DYNC1I1: variants seen among roughly 807,000 people sequenced by gnomAD.
DYNC1I1 encodes the protein dynein cytoplasmic 1 intermediate chain 1.
Under a neutral mutation model 86.6 loss-of-function variants are expected in DYNC1I1, and 43 were observed. The ratio of observed to expected loss-of-function variants is 0.50; its 90% CI spans 0.39 to 0.64. The LOEUF (loss-of-function observed/expected upper bound fraction) is 0.64, where lower values mean the gene tolerates loss of function less well. Ranked by LOEUF, DYNC1I1 falls within the 30% of genes least tolerant of loss-of-function variation. The probability of loss-of-function intolerance (pLI) is 0.00; values close to 1 mark genes in which losing one functional copy is unlikely to be tolerated. For missense variants in DYNC1I1, 604 were observed against 788.8 expected (o/e 0.77, Z 2.81); for synonymous variants, 262 against 283.7 (o/e 0.92, Z 0.77).
intron 6 of DYNC1I1, among the ~76,000 whole-genome samples, chr7:95,920,863 C>T (rs1791591921): frequency 6.6e-6 from 1 of 152,184 alleles, no homozygotes; most frequent in Non-Finnish European, 1.5e-5. Context: ...TTTTATCTTA[C>T]AGAAGGTGTT....
chr7:95,782,759 T>C (rs989433585), intron 1 of DYNC1I1, among the ~76,000 whole-genome samples: 2 of 151,960 alleles, frequency 1.3e-5, no homozygotes, highest in Admixed American at 6.6e-5. Flanking sequence ...GTGAACATAG[T>C]GGTTTTATTG....
At chr7:96,070,643 A>G (rs1790133275) in intron 14 of DYNC1I1, among the ~76,000 whole-genome samples, 1 of 152,072 alleles carries the variant, frequency 6.6e-6, no homozygotes, top group African/African-American at 2.4e-5. Context: ...CCTACCACCT[A>G]CCCACCCAAA....
Position 96,076,167 on chromosome 7 carries a change from G to A in DYNC1I1, c.1620G>A (p.Leu540=), listed in dbSNP as rs1306556415. ...LFACVDGMGR[L]DLWNLNNDTE... ...CCTGCGTGGACGGGATGGGGCGCTTGGACCTCTGGAACCTCAACAATGACA... is the reference window on the plus strand; with the variant it reads ...CCTGCGTGGACGGGATGGGGCGCTTAGACCTCTGGAACCTCAACAATGACA... The change falls in exon 15 of 17, where the codon TTG becomes TTA. Residue 540 remains leucine (L), a synonymous_variant. Transcript: ENST00000447467. 1 of 1,614,202 alleles carries A rather than the reference G, an allele frequency of 6.2e-7. No individual in the cohort carries two copies. Among genetic ancestry groups the A allele is most frequent in the Non-Finnish European group, 8.5e-7 (1 of 1,180,038 alleles).
At chr7:96,083,329 T>A (rs888610149) in intron 16 of DYNC1I1, among the ~76,000 whole-genome samples, 1 of 152,124 alleles carries the variant, frequency 6.6e-6, no homozygotes, top group Non-Finnish European at 1.5e-5. Flanking sequence ...GAAGGGGAAC[T>A]TTTGTGTTTC....
intron 1 of DYNC1I1, among the ~76,000 whole-genome samples, chr7:95,782,632 A>G (rs1794022829): frequency 6.6e-6 from 1 of 152,244 alleles, no homozygotes; most frequent in Non-Finnish European, 1.5e-5. Context: ...TAGATGGCTA[A>G]GTATTAAACC....
intron 7 of DYNC1I1, among the ~76,000 whole-genome samples, chr7:95,982,811 T>C (rs1420991814): frequency 6.6e-6 from 1 of 152,162 alleles, no homozygotes; most frequent in East Asian, 1.9e-4. Context: ...AAAATGGACT[T>C]AGTAGGGTTT....
intron 16 of DYNC1I1, among the ~76,000 whole-genome samples, chr7:96,108,059 G>A (rs919774945): frequency 5.9e-5 from 9 of 151,936 alleles, no homozygotes; most frequent in Admixed American, 1.3e-4. Flanking sequence ...TATTGGCTAG[G>A]ATGCCATCTT....
At chr7:96,051,590 A>T (rs1789406266) in intron 14 of DYNC1I1, among the ~76,000 whole-genome samples, 1 of 152,162 alleles carries the variant, frequency 6.6e-6, no homozygotes, top group Admixed American at 6.5e-5. Flanking sequence ...CATGCATCTC[A>T]ATCCTCTAAT....
chr7:95,914,582 A>T (rs1347603984), intron 6 of DYNC1I1, among the ~76,000 whole-genome samples: 2 of 152,230 alleles, frequency 1.3e-5, no homozygotes, highest in African/African-American at 4.8e-5. Context: ...CATCTGCAAG[A>T]TGAGAATAAT....
chr7:96,045,360 T>A (rs1368570284), intron 14 of DYNC1I1, among the ~76,000 whole-genome samples: 2 of 152,124 alleles, frequency 1.3e-5, no homozygotes, highest in African/African-American at 4.8e-5. Flanking sequence ...AATGAGGACG[T>A]CACAAAAGGT....
At chr7:95,908,851 G>T (rs1791245340) in intron 6 of DYNC1I1, among the ~76,000 whole-genome samples, 1 of 152,096 alleles carries the variant, frequency 6.6e-6, no homozygotes. Flanking sequence ...ATAGTAAAAT[G>T]TACCTTGTTA....
chr7:96,028,378 A>C (rs552410088), intron 11 of DYNC1I1, 57 bp downstream of exon 11: 2 of 1,551,838 alleles, frequency 1.3e-6, no homozygotes, highest in African/African-American at 2.7e-5. Context: ...AGAGAAAATA[A>C]CTCTACTCAA....
chr7:95,985,437 T>C (rs567606413), intron 8 of DYNC1I1, among the ~76,000 whole-genome samples: 33 of 152,320 alleles, frequency 2.2e-4, no homozygotes, highest in Admixed American at 1.9e-3. Flanking sequence ...CATGAAAGTA[T>C]GCATATGTGT....
At chr7:95,894,006 C>T (rs1193195070) in intron 6 of DYNC1I1, among the ~76,000 whole-genome samples, 1 of 152,118 alleles carries the variant, frequency 6.6e-6, no homozygotes, top group Non-Finnish European at 1.5e-5. Flanking sequence ...CAATGAGAAT[C>T]TCTGATGAAG....
chr7:96,018,708 A>T (rs1445589882), intron 10 of DYNC1I1, among the ~76,000 whole-genome samples: 1 of 152,202 alleles, frequency 6.6e-6, no homozygotes, highest in Admixed American at 6.5e-5. Context: ...GAGGAGAAAC[A>T]AGGAGAGATG....
chr7:95,948,475 C>T (rs184495853), intron 6 of DYNC1I1, among the ~76,000 whole-genome samples: 2 of 152,234 alleles, frequency 1.3e-5, no homozygotes, highest in East Asian at 3.9e-4. Flanking sequence ...AGAACACATC[C>T]AGTAGTGGGC....
At chr7:95,852,220 G>A (rs2706872) in intron 5 of DYNC1I1, among the ~76,000 whole-genome samples, 108,913 of 151,850 alleles carry the variant, frequency 0.72, 40,756 homozygotes, top group Non-Finnish European at 0.84. Context: ...CTGTTTCTTC[G>A]TAATTAATTT....
At chr7:96,060,809 T>TG (rs1789742042) in intron 14 of DYNC1I1, among the ~76,000 whole-genome samples, 1 of 142,760 alleles carries the variant, frequency 7.0e-6, no homozygotes. Context: ...AAATAAAGTC[T>TG]AAAAAAAAAA....
chr7:95,790,772 G>T (rs1280095625), intron 1 of DYNC1I1, among the ~76,000 whole-genome samples: 1 of 152,192 alleles, frequency 6.6e-6, no homozygotes, highest in African/African-American at 2.4e-5. Context: ...TTATGCAGTG[G>T]CTAAGTGGCT....
Sources: gnomAD v4.1 joint callset for allele counts (sites outside exome capture counted in the v4.1 genomes callset) on GRCh38, gnomAD v4.1.1 for gene constraint, MANE v1.5 for transcripts, NCBI Gene and HGNC (gene_info 2026-07-23, HGNC 2026-07-21) for gene names.